Variants in SLC22A7 observed in about 807,000 individuals in gnomAD.
SLC22A7 encodes solute carrier family 22 member 7.
In SLC22A7, 48 loss-of-function variants were observed where a neutral mutation model predicts 62.2. The observed-to-expected ratio is 0.77, with a 90% CI of 0.61 to 0.98. SLC22A7 has a LOEUF of 0.98. SLC22A7 is among the 50% of genes least tolerant of loss of function. The pLI is 0.00. For synonymous variants in SLC22A7, 276 were observed against 314.8 expected (o/e 0.88, Z 1.30); for missense variants, 581 against 703.8 (o/e 0.83, Z 1.97).
chr6:43,298,458 C>A lies in SLC22A7; in HGVS notation c.100C>A (p.His34Asn). ...CCTGCCCCGAGTGCTGCTACCACTG[C>A]ACTTCCTCCTGCCCATCTTCCTGGC... ...LALPRVLLPL[H>N]FLLPIFLAAV... Residue 34 changes from histidine to asparagine, a missense_variant, in exon 1 of 11, where the codon CAC (histidine) becomes AAC (asparagine). His to Asn is a moderately conservative substitution (Grantham distance 68). Coordinates refer to ENST00000372585, the MANE Select transcript of SLC22A7 (RefSeq NM_153320.2). 6.2e-7 allele frequency: 1 copy of A among 1,613,914 alleles called. No homozygotes were observed. The highest frequency in any genetic ancestry group is 8.5e-7 in the Non-Finnish European group (1 of 1,180,040).
intron 9 of SLC22A7, among the ~76,000 whole-genome samples, chr6:43,303,679 C>G (rs1778838963): frequency 6.6e-6 from 1 of 152,060 alleles, no homozygotes; most frequent in African/African-American, 2.4e-5. Flanking sequence ...GGCATCTGGT[C>G]ATGTTTAGAA....
In SLC22A7 at chr6:43,299,005, G is replaced by A. The variant is rs1448506148; in HGVS notation, c.394-87G>A. The A allele has an allele frequency of 2.9e-6, 4 of 1,362,432 alleles. No individual in the cohort carries two copies. The highest frequency in any genetic ancestry group is 4.0e-6 in the Non-Finnish European group (4 of 990,146). The allele number at this position is 1,362,432 out of a possible 1,614,324, so 84.4% of individuals were successfully genotyped here. A position where few individuals can be genotyped will look rare whatever the true frequency, so the allele number is the denominator to read the frequency against. The stretch of plus-strand genomic sequence containing the variant: ...GGAAGGGCTAAAGTGGCTTCAGGGA[G>A]TTGAGACAAAGAGCTGAGAAGGCAA... On this transcript the variant is annotated intron_variant, in intron 1 of 10. Coordinates refer to ENST00000372585, the MANE Select transcript of SLC22A7 (RefSeq NM_153320.2). This position sits in a 1 kb window ranked among gnomAD's most constrained non-coding sequence, Gnocchi z 4.4.
Position 43,302,323 on chromosome 6 carries a change from G to T in SLC22A7, c.1185G>T (p.Leu395Phe). The change falls in exon 8 of 11, where the codon TTG becomes TTT. Residue 395 changes from leucine (L) to phenylalanine (F), a missense_variant. By Grantham distance (22) the Leu-to-Phe change is conservative. Coordinates refer to ENST00000372585, the MANE Select transcript of SLC22A7 (RefSeq NM_153320.2). The surrounding 1 kb of genome is among the most constrained non-coding windows in gnomAD (Gnocchi z 5.0). ...VELPSKLLVYLSVRYAGRRLT... is the reference protein window; with the variant it reads ...VELPSKLLVYFSVRYAGRRLT... ...TGCCCTCCAAGCTGCTGGTCTACTT[G>T]TCGGTGCGCTACGCAGGACGCCGCC... The T allele has an allele frequency of 6.2e-7, 1 of 1,613,756 alleles. No homozygotes were observed. Among genetic ancestry groups the T allele is most frequent in the Non-Finnish European group, 8.5e-7 (1 of 1,179,984 alleles).
Position 43,298,655 on chromosome 6 carries a change from G to C in SLC22A7, c.297G>C (p.Gln99His). ...LPNTTLGEER[Q>H]SRGELEDEPA... is the part of the protein sequence containing the mutation. ...ACACCACGTTGGGGGAAGAAAGGCAGAGCCGTGGGGAGCTGGAGGATGAAC... is the reference window on the plus strand; with the variant it reads ...ACACCACGTTGGGGGAAGAAAGGCACAGCCGTGGGGAGCTGGAGGATGAAC... The change falls in exon 1 of 11, where the codon CAG becomes CAC. Residue 99 changes from glutamine to histidine, a missense_variant. Gln to His is a conservative substitution (Grantham distance 24). Transcript: ENST00000372585. The C allele has an allele frequency of 6.4e-7, 1 of 1,573,448 alleles. No individual in the cohort carries two copies. The highest frequency in any genetic ancestry group is 8.6e-7 in the Non-Finnish European group (1 of 1,157,752).
In SLC22A7 at chr6:43,298,436, G is replaced by A. The variant is rs370860347; in HGVS notation, c.78G>A (p.Leu26=). The change falls in exon 1 of 11, where the codon CTG becomes CTA. Residue 26 remains leucine, a synonymous_variant. Transcript: ENST00000372585. ...FQLRNVALLA[L]PRVLLPLHFL... is the part of the protein sequence containing the mutation. ...TGCGGAATGTGGCACTGCTGGCCCT[G>A]CCCCGAGTGCTGCTACCACTGCACT... The A allele has an allele frequency of 1.2e-6, 2 of 1,613,942 alleles. No homozygotes were observed. The highest frequency in any genetic ancestry group is 2.7e-5 in the African/African-American group (2 of 74,942).
chr6:43,296,253 G>C (rs117447140), upstream of SLC22A7, among the ~76,000 whole-genome samples: 2 of 152,234 alleles, frequency 1.3e-5, no homozygotes, highest in African/African-American at 2.4e-5. Context: ...TGTCAGGAGG[G>C]AGAGGTAACC....
chr6:43,302,995 A>T lies in SLC22A7; in HGVS notation c.1385+232A>T. ...GTGCTCGTATTACAGGCACTATTAC[A>T]GGCATGAGCCACCGCACCCAGCCTC... On this transcript the variant is annotated intron_variant, in intron 9 of 10. Coordinates refer to ENST00000372585, the MANE Select transcript of SLC22A7 (RefSeq NM_153320.2). The surrounding 1 kb of genome is among the most constrained non-coding windows in gnomAD (Gnocchi z 5.0). 2.1e-6 allele frequency: 1 copy of T among 475,354 alleles called. No individual in the cohort carries two copies. Among genetic ancestry groups the T allele is most frequent in the Non-Finnish European group, 2.7e-6 (1 of 364,108 alleles). The allele number at this position is 475,354 out of a possible 1,614,324, so 29.4% of individuals were successfully genotyped here. A position where few individuals can be genotyped will look rare whatever the true frequency, so the allele number is the denominator to read the frequency against.
At chr6:43,303,292 C>A (rs1161531482) in intron 9 of SLC22A7, 11 of 278,008 alleles carry the variant, frequency 4.0e-5, no homozygotes, top group Non-Finnish European at 6.0e-5. Context: ...GAAACCCTGT[C>A]TCTGCTAAAC....
At chr6:43,304,578 G>A in intron 10 of SLC22A7, 93 bp from the exon 11 acceptor site, 1 of 1,073,250 alleles carries the variant, frequency 9.3e-7, no homozygotes, top group South Asian at 1.4e-5. Flanking sequence ...ACCAGGAACT[G>A]GGGTGAGCCC....
At chr6:43,301,342 C>A (rs532780895) in intron 6 of SLC22A7, 84 bp downstream of exon 6, 2 of 1,571,472 alleles carry the variant, frequency 1.3e-6, no homozygotes, top group Non-Finnish European at 8.7e-7. Context: ...CCAGAGCCCA[C>A]CATATATGGC....
At position 43,302,873 on chromosome 6, in the gene SLC22A7, T is replaced by A. The variant is rs1702908357; in HGVS notation, c.1385+110T>A. ...CCTGGTCTCTCACTCATTTTTTTTT[T>A]AATTTTAATTTTTGGTAGAGACGGG... On this transcript the variant is annotated intron_variant, in intron 9 of 10. Coordinates refer to ENST00000372585, the MANE Select transcript of SLC22A7 (RefSeq NM_153320.2). The surrounding 1 kb of genome is among the most constrained non-coding windows in gnomAD (Gnocchi z 5.0). The A allele has an allele frequency of 3.8e-6, 3 of 779,804 alleles. No homozygotes were observed. The highest frequency in any genetic ancestry group is 4.1e-6 in the Non-Finnish European group (2 of 486,678). The allele number at this position is 779,804 out of a possible 1,614,324, so 48.3% of individuals were successfully genotyped here. A position where few individuals can be genotyped will look rare whatever the true frequency, so the allele number is the denominator to read the frequency against.
intron 5 of SLC22A7, 102 bp from the exon 6 acceptor site, chr6:43,301,030 GACT>G (rs1778723103): frequency 1.4e-6 from 2 of 1,411,044 alleles, no homozygotes; most frequent in African/African-American, 2.8e-5. Context: ...AGGCTAAGGG[GACT>G]ACATGAGCAA....
upstream of SLC22A7, among the ~76,000 whole-genome samples, chr6:43,297,020 G>A (rs77964718): frequency 1.3e-5 from 2 of 152,204 alleles, no homozygotes; most frequent in East Asian, 1.9e-4. Context: ...GAATGGCGAG[G>A]ATGCACTAGA....
In SLC22A7 at chr6:43,304,835, G is replaced by A. The variant is rs70953695; in HGVS notation, c.*110G>A. On this transcript the variant is annotated 3_prime_UTR_variant, in exon 11 of 11. Transcript: ENST00000372585. ...AGTATCGAACCCTCTGCCTAGGGCC[G>A]GAGTTGCTGCCAGTACCCGCTCCCT... is the stretch of plus-strand genomic sequence containing the variant. 6.2e-4 allele frequency: 515 copies of A among 830,030 alleles called. 3 individuals are homozygous for A. In the African/African-American group the frequency reaches 8.4e-3, roughly 14 times the overall value. 51.4% of individuals were successfully genotyped at this position (830,030 alleles called of 1,614,324 possible). A position where few individuals can be genotyped will look rare whatever the true frequency, so the allele number is the denominator to read the frequency against.
chr6:43,302,859 A>G lies in SLC22A7; in HGVS notation c.1385+96A>G. 3.7e-6 allele frequency: 3 copies of G among 808,998 alleles called. No homozygotes were observed. Among genetic ancestry groups the G allele is most frequent in the Middle Eastern group, 2.5e-4 (1 of 3,984 alleles). 50.1% of individuals were successfully genotyped at this position (808,998 alleles called of 1,614,324 possible). A position where few individuals can be genotyped will look rare whatever the true frequency, so the allele number is the denominator to read the frequency against. ...TACACGCACCACAACCTGGTCTCTC[A>G]CTCATTTTTTTTTTAATTTTAATTT... On this transcript the variant is annotated intron_variant, in intron 9 of 10. Coordinates refer to ENST00000372585, the MANE Select transcript of SLC22A7 (RefSeq NM_153320.2). This position sits in a 1 kb window ranked among gnomAD's most constrained non-coding sequence, Gnocchi z 5.0.
Position 43,300,017 on chromosome 6 carries a change from C to T in SLC22A7, c.778C>T (p.Leu260Phe). ...VGYLIRDWRW[L>F]LLAVTLPCAP... ...GTACCTGATACGGGACTGGCGATGG[C>T]TTCTGCTAGCTGTCACCCTGCCTTG... Residue 260 changes from leucine to phenylalanine, a missense_variant, in exon 5 of 11, where the codon CTT becomes TTT. Physicochemically the swap from Leu to Phe is conservative, Grantham distance 22. Transcript: ENST00000372585. The T allele has an allele frequency of 6.2e-7, 1 of 1,614,172 alleles. No individual in the cohort carries two copies. The highest frequency in any genetic ancestry group is 8.5e-7 in the Non-Finnish European group (1 of 1,180,032).
Position 43,298,612 on chromosome 6 carries a change from A to G in SLC22A7, c.254A>G (p.Tyr85Cys), listed in dbSNP as rs1778619941. The G allele has an allele frequency of 1.2e-6, 2 of 1,606,950 alleles. No individual in the cohort carries two copies. Among genetic ancestry groups the G allele is most frequent in the Non-Finnish European group, 1.7e-6 (2 of 1,175,584 alleles). Reference sequence around the variant, plus strand: ...CTCAGCTCCTGCCTCCGCTTTGCCTATCCCCAGGCTCTCCCCAACACCACG... The same window carrying G: ...CTCAGCTCCTGCCTCCGCTTTGCCTGTCCCCAGGCTCTCCCCAACACCACG... The part of the protein sequence containing the change: ...GTLSSCLRFA[Y>C]PQALPNTTLG... Residue 85 changes from tyrosine (Y) to cysteine (C), a missense_variant, in exon 1 of 11, where the codon TAT (tyrosine) becomes TGT (cysteine). Transcript: ENST00000372585.
In SLC22A7 at chr6:43,298,263, C is replaced by T; in HGVS notation, c.-96C>T. 1 of 1,128,116 alleles carries T rather than the reference C, an allele frequency of 8.9e-7. No individual in the cohort carries two copies. The highest frequency in any genetic ancestry group is 1.6e-5 in the South Asian group (1 of 63,108). The allele number at this position is 1,128,116 out of a possible 1,614,324, so 69.9% of individuals were successfully genotyped here. A position where few individuals can be genotyped will look rare whatever the true frequency, so the allele number is the denominator to read the frequency against. Reference sequence around the variant, plus strand: ...CTGCAGGCTCTCCAGTCCATCCACTCCCACCTCCAGAGTCCAAGGGTCTAT... The same window carrying T: ...CTGCAGGCTCTCCAGTCCATCCACTTCCACCTCCAGAGTCCAAGGGTCTAT... On this transcript the variant is annotated 5_prime_UTR_variant, in exon 1 of 11. Coordinates refer to ENST00000372585, the MANE Select transcript of SLC22A7 (RefSeq NM_153320.2).
Position 43,299,167 on chromosome 6 carries a change from C to T in SLC22A7, c.399+70C>T, listed in dbSNP as rs774896586. The T allele has an allele frequency of 2.5e-6, 4 of 1,613,944 alleles. No individual in the cohort carries two copies. The highest frequency in any genetic ancestry group is 3.4e-6 in the Non-Finnish European group (4 of 1,179,996). On this transcript the variant is annotated intron_variant, in intron 2 of 10. Transcript: ENST00000372585. The surrounding 1 kb of genome is among the most constrained non-coding windows in gnomAD (Gnocchi z 4.4). Reference sequence around the variant, plus strand: ...GCAGTCTCCCTGGGAGGCAGCAGGTCGAGGCCTTCCTTGGGAAGAAGCTGA... The same window carrying T: ...GCAGTCTCCCTGGGAGGCAGCAGGTTGAGGCCTTCCTTGGGAAGAAGCTGA...
Sources: gnomAD v4.1 joint callset for allele counts (sites outside exome capture counted in the v4.1 genomes callset) on GRCh38, gnomAD v4.1.1 for gene constraint, Gnocchi (gnomAD v3.1) non-coding constraint, MANE v1.5 for transcripts, NCBI Gene and HGNC (gene_info 2026-07-23, HGNC 2026-07-21) for gene names.